SPATA17: variants seen among roughly 807,000 people sequenced by gnomAD.
SPATA17 encodes the protein spermatogenesis associated 17, also known as spermatogenesis-associated protein 17.
Under a neutral mutation model 62.2 loss-of-function variants are expected in SPATA17, and 53 were observed. The observed-to-expected ratio is 0.85, with a 90% confidence interval of 0.68 to 1.07. SPATA17 has a LOEUF of 1.07. SPATA17 is among the 50% of genes least tolerant of loss of function. SPATA17 has a pLI of 0.00. For missense variants in SPATA17, 466 were observed against 425.5 expected (o/e 1.10, Z -0.84); for synonymous variants, 146 against 146.8 (o/e 0.99, Z 0.04).
chr1:217,766,622 A>C (rs1458046729), intron 6 of SPATA17, among the ~76,000 whole-genome samples: 1 of 152,044 alleles, frequency 6.6e-6, no homozygotes, highest in East Asian at 1.9e-4. Context: ...GTTAAGAATA[A>C]TAAAAATAAA....
At chr1:217,749,981 CTCTCTATATATATATATA>C (rs1325297067) in intron 6 of SPATA17, among the ~76,000 whole-genome samples, 5 of 27,004 alleles carry the variant, frequency 1.9e-4, no homozygotes, top group African/African-American at 7.0e-4. Flanking sequence ...CTCTCTCTCT[CTCTCTATATATATATATA>C]TATATATATA....
At chr1:217,736,294 A>G (rs965554749) in intron 5 of SPATA17, among the ~76,000 whole-genome samples, 3 of 152,196 alleles carry the variant, frequency 2.0e-5, no homozygotes, top group African/African-American at 7.2e-5. Flanking sequence ...ACACACTTAT[A>G]TGGAGACAGT....
At chr1:217,736,394 A>T (rs188098397) in intron 5 of SPATA17, among the ~76,000 whole-genome samples, 19 of 152,354 alleles carry the variant, frequency 1.2e-4, no homozygotes, top group Non-Finnish European at 2.6e-4. Flanking sequence ...TCTAGTAGGG[A>T]AGACATATAT....
In SPATA17 at chr1:217,779,144, T is replaced by TTGTG. The variant is rs55714817; in HGVS notation, c.724-3004_724-3001dup. On this transcript the variant is annotated intron_variant, in intron 7 of 10. Coordinates refer to ENST00000366933, the MANE Select transcript of SPATA17 (RefSeq NM_138796.4). The stretch of plus-strand genomic sequence containing the variant: ...AAAATACACACATTTGTAAAACAAC[T>TTGTG]TGTGTGTGTGTGTGTGTGTGTGTGT... 6.4e-3 allele frequency among the ~76,000 whole-genome samples: 956 copies of TTGTG among 148,532 alleles called. 5 individuals carry two copies. The highest frequency in any genetic ancestry group is 0.016 in the East Asian group (79 of 5,022).
intron 10 of SPATA17, among the ~76,000 whole-genome samples, chr1:217,864,455 T>C (rs1038632555): frequency 8.5e-5 from 13 of 152,146 alleles, no homozygotes; most frequent in African/African-American, 3.1e-4. Flanking sequence ...CAAAGTACGC[T>C]GTGTAGTCTT....
intron 5 of SPATA17, among the ~76,000 whole-genome samples, chr1:217,718,266 CTG>C (rs1571755079): frequency 6.6e-6 from 1 of 152,136 alleles, no homozygotes; most frequent in East Asian, 1.9e-4. Context: ...ACCTGACTAA[CTG>C]AGAAAGAGCT....
At chr1:217,773,635 TATGCAGTAC>T (rs1673509771) in intron 6 of SPATA17, among the ~76,000 whole-genome samples, 1 of 152,158 alleles carries the variant, frequency 6.6e-6, no homozygotes, top group South Asian at 2.1e-4. Context: ...TTGACTATTT[TATGCAGTAC>T]ATGACAAAGT....
intron 5 of SPATA17, among the ~76,000 whole-genome samples, chr1:217,710,657 T>C (rs1370940167): frequency 1.3e-5 from 2 of 152,238 alleles, no homozygotes; most frequent in Non-Finnish European, 1.5e-5. Flanking sequence ...TTATTTGCTT[T>C]GTTTTTATTA....
chr1:217,811,422 C>T (rs1192654523), intron 9 of SPATA17, among the ~76,000 whole-genome samples: 1 of 152,126 alleles, frequency 6.6e-6, no homozygotes, highest in Non-Finnish European at 1.5e-5. Flanking sequence ...TTACATTTCT[C>T]CCTCCTTCCT....
At chr1:217,865,309 A>G (rs1675986081) in intron 10 of SPATA17, among the ~76,000 whole-genome samples, 1 of 152,090 alleles carries the variant, frequency 6.6e-6, no homozygotes, top group African/African-American at 2.4e-5. Context: ...CCAATACTAC[A>G]TTTTCCCATC....
intron 8 of SPATA17, among the ~76,000 whole-genome samples, chr1:217,796,423 A>G (rs1323914126): frequency 6.6e-6 from 1 of 152,188 alleles, no homozygotes; most frequent in African/African-American, 2.4e-5. Context: ...TCTGAAGCTA[A>G]GAAAAATGTA....
intron 3 of SPATA17, among the ~76,000 whole-genome samples, chr1:217,656,167 A>C (rs1670437974): frequency 1.3e-5 from 2 of 152,166 alleles, no homozygotes; most frequent in South Asian, 4.1e-4. Flanking sequence ...TACAGGCATG[A>C]GTCACTGCAC....
At chr1:217,632,287 A>C (rs1372958287) in intron 1 of SPATA17, among the ~76,000 whole-genome samples, 1 of 152,214 alleles carries the variant, frequency 6.6e-6, no homozygotes, top group Admixed American at 6.5e-5. Context: ...GATAACGGGT[A>C]AGAAAACCAC....
intron 5 of SPATA17, among the ~76,000 whole-genome samples, chr1:217,720,477 A>T (rs184916655): frequency 6.6e-6 from 1 of 152,184 alleles, no homozygotes; most frequent in African/African-American, 2.4e-5. Context: ...TATGCACAAA[A>T]TGACTGTAGC....
intron 3 of SPATA17, among the ~76,000 whole-genome samples, chr1:217,665,725 T>C (rs1045334958): frequency 1.3e-5 from 2 of 152,150 alleles, no homozygotes; most frequent in African/African-American, 4.8e-5. Context: ...TTATAAATAA[T>C]AAGTATAACC....
intron 9 of SPATA17, among the ~76,000 whole-genome samples, chr1:217,825,780 A>G (rs993672048): frequency 2.0e-5 from 3 of 152,054 alleles, no homozygotes; most frequent in Non-Finnish European, 4.4e-5. Flanking sequence ...TAAAAGTTTT[A>G]CCAATCACAT....
intron 8 of SPATA17, among the ~76,000 whole-genome samples, chr1:217,785,516 T>A (rs1673839201): frequency 6.6e-6 from 1 of 152,112 alleles, no homozygotes; most frequent in African/African-American, 2.4e-5. Flanking sequence ...TCACTCACTA[T>A]CATGAGAACA....
chr1:217,779,637 T>A (rs1346717854), intron 7 of SPATA17, among the ~76,000 whole-genome samples: 3 of 151,754 alleles, frequency 2.0e-5, no homozygotes, highest in African/African-American at 7.3e-5. Context: ...CCTTCTTCCT[T>A]TTTTTTTCCC....
chr1:217,803,243 A>G (rs61825824), intron 9 of SPATA17, among the ~76,000 whole-genome samples: 4,853 of 152,216 alleles, frequency 0.032, 112 homozygotes, highest in Middle Eastern at 0.065. Context: ...GGCATTCAGT[A>G]TAGTACTGGA....
Sources: allele counts gnomAD v4.1 joint callset (sites outside exome capture counted in the v4.1 genomes callset), GRCh38; gene constraint gnomAD v4.1.1; transcripts MANE v1.5; gene names NCBI Gene and HGNC (gene_info 2026-07-23, HGNC 2026-07-21).